TFEC: variants seen among roughly 807,000 people sequenced by gnomAD.
TFEC encodes the protein transcription factor EC.
TFEC carries 31 observed loss-of-function variants against 41.6 expected under a neutral mutation model. The ratio of observed to expected loss-of-function variants is 0.74; its 90% CI spans 0.56 to 1.01. The LOEUF (loss-of-function observed/expected upper bound fraction) is 1.01. TFEC is among the 50% of genes least tolerant of loss of function. The pLI is 0.00. For synonymous variants in TFEC, 143 were observed against 140.6 expected (o/e 1.02, Z -0.12); for missense variants, 402 against 404.1 (o/e 0.99, Z 0.04).
chr7:116,114,885 A>G (rs143550465), intron 1 of TFEC, among the ~76,000 whole-genome samples: 10 of 152,024 alleles, frequency 6.6e-5, no homozygotes, highest in African/African-American at 2.4e-4. Flanking sequence ...GAACCAAAGG[A>G]AACCCCCCTC....
Position 116,109,767 on chromosome 7 carries a change from C to T in TFEC, c.198+941G>A, listed in dbSNP as rs533843184. Among the ~76,000 whole-genome samples, 9 of 152,320 alleles carry T rather than the reference C, an allele frequency of 5.9e-5. No individual in the cohort carries two copies. The South Asian group carries it at 1.9e-3, about 32-fold the overall frequency. ...TATAAGTCATGCTGCTATAAAGACA[C>T]ATGCACACGTATGTTTATTGCGGCA... On this transcript the variant is annotated intron_variant, in intron 3 of 8. Transcript: ENST00000484212.
chr7:116,045,735 T>A (rs796932046), intron 3 of TFEC, among the ~76,000 whole-genome samples: 8 of 152,298 alleles, frequency 5.3e-5, no homozygotes, highest in African/African-American at 1.9e-4. Context: ...ACGGTCACCA[T>A]CCTCAAGACC....
chr7:116,091,122 GA>G (rs907404331), intron 3 of TFEC, among the ~76,000 whole-genome samples: 10 of 151,000 alleles, frequency 6.6e-5, no homozygotes, highest in East Asian at 1.9e-4. Flanking sequence ...ATAAAAAAAG[GA>G]AAAAAAAATT....
intron 1 of TFEC, among the ~76,000 whole-genome samples, chr7:116,132,137 T>C (rs1400110516): frequency 1.3e-5 from 2 of 152,172 alleles, no homozygotes; most frequent in African/African-American, 2.4e-5. Flanking sequence ...GGTGATAAGA[T>C]GTACTGCAGA....
chr7:115,944,430 T>G (rs1018970173), intron 6 of TFEC, among the ~76,000 whole-genome samples: 1 of 151,596 alleles, frequency 6.6e-6, no homozygotes, highest in Non-Finnish European at 1.5e-5. Flanking sequence ...CATTGCCTGG[T>G]CATGTTTTTT....
At chr7:116,044,773 A>G (rs867133829) in intron 3 of TFEC, among the ~76,000 whole-genome samples, 1 of 152,210 alleles carries the variant, frequency 6.6e-6, no homozygotes, top group Non-Finnish European at 1.5e-5. Context: ...TGGGAGGCAT[A>G]ATCTGTAGTT....
chr7:116,001,780 G>T (rs1332155368), intron 1 of TFEC, among the ~76,000 whole-genome samples: 1 of 152,000 alleles, frequency 6.6e-6, no homozygotes, highest in East Asian at 1.9e-4. Flanking sequence ...GAATATATAA[G>T]GAGCTCAAAC....
intron 1 of TFEC, among the ~76,000 whole-genome samples, chr7:116,010,843 T>G (rs1263426848): frequency 6.6e-6 from 1 of 152,228 alleles, no homozygotes; most frequent in Non-Finnish European, 1.5e-5. Flanking sequence ...TAAGTTAACC[T>G]TAATTAAATA....
At chr7:116,004,753 G>T (rs1345718866) in intron 1 of TFEC, among the ~76,000 whole-genome samples, 1 of 151,750 alleles carries the variant, frequency 6.6e-6, no homozygotes. Flanking sequence ...GAAGAGAATA[G>T]TTGGTAAGGA....
intron 6 of TFEC, among the ~76,000 whole-genome samples, chr7:115,945,479 C>A (rs1270525666): frequency 6.6e-6 from 1 of 151,596 alleles, no homozygotes; most frequent in Non-Finnish European, 1.5e-5. Context: ...ACTGGAGTAA[C>A]AGGTGAGGCC....
At chr7:116,112,080 T>A (rs947564186) in intron 1 of TFEC, 10 of 906,158 alleles carry the variant, frequency 1.1e-5, no homozygotes, top group Non-Finnish European at 1.3e-5. Context: ...TTTTTTAACT[T>A]TAATAATACT....
intron 1 of TFEC, among the ~76,000 whole-genome samples, chr7:116,153,219 A>G (rs1054832532): frequency 7.2e-5 from 11 of 152,046 alleles, no homozygotes; most frequent in African/African-American, 2.7e-4. Flanking sequence ...TAGGTTAGGC[A>G]GTGGTGGCGA....
At chr7:116,032,442 C>T (rs922889904), upstream of TFEC, among the ~76,000 whole-genome samples, 5 of 152,000 alleles carry the variant, frequency 3.3e-5, no homozygotes, top group African/African-American at 4.8e-5. Context: ...AAATGCCCAT[C>T]AATGGTAGAC....
At chr7:115,962,962 A>G (rs1260165193) in intron 3 of TFEC, among the ~76,000 whole-genome samples, 1 of 151,824 alleles carries the variant, frequency 6.6e-6, no homozygotes, top group Non-Finnish European at 1.5e-5. Flanking sequence ...TAAACTTGTC[A>G]TTTACATTAG....
At chr7:115,962,229 T>C (rs1216957238) in intron 3 of TFEC, among the ~76,000 whole-genome samples, 1 of 151,824 alleles carries the variant, frequency 6.6e-6, no homozygotes, top group Non-Finnish European at 1.5e-5. Context: ...TTTGTGTTCA[T>C]GGATGAAAAG....
chr7:116,159,431 G>A (rs1274244502), intron 1 of TFEC, among the ~76,000 whole-genome samples: 1 of 151,754 alleles, frequency 6.6e-6, no homozygotes, highest in Non-Finnish European at 1.5e-5. Context: ...TTGCATAAAA[G>A]GAGAGAAACA....
At chr7:116,058,094 A>G (rs1320052165) in intron 3 of TFEC, among the ~76,000 whole-genome samples, 1 of 151,850 alleles carries the variant, frequency 6.6e-6, no homozygotes, top group African/African-American at 2.4e-5. Context: ...AAATTGTTAG[A>G]TTGTATTTTT....
chr7:116,087,647 C>T (rs1180609892), intron 3 of TFEC, among the ~76,000 whole-genome samples: 1 of 152,006 alleles, frequency 6.6e-6, no homozygotes, highest in African/African-American at 2.4e-5. Context: ...TTAACATCAC[C>T]TTTGCCAGGC....
At chr7:116,156,338 A>G (rs560267481) in intron 1 of TFEC, among the ~76,000 whole-genome samples, 79 of 152,354 alleles carry the variant, frequency 5.2e-4, no homozygotes, top group Non-Finnish European at 1.1e-3. Context: ...ATTTGTCTCT[A>G]AAAATATATA....
Sources: allele counts gnomAD v4.1 joint callset (sites outside exome capture counted in the v4.1 genomes callset), GRCh38; gene constraint gnomAD v4.1.1; transcripts MANE v1.5; gene names NCBI Gene and HGNC (gene_info 2026-07-23, HGNC 2026-07-21).